The following FOCAD variants were observed in gnomAD, a reference collection of about 807,000 sequenced individuals.
FOCAD encodes KIAA1797.
Under a neutral mutation model 225.6 loss-of-function variants are expected in FOCAD, and 198 were observed. The observed-to-expected ratio is 0.88, with a 90% confidence interval of 0.78 to 0.99. The LOEUF (loss-of-function observed/expected upper bound fraction) is 0.99. Among genes scored for constraint, FOCAD ranks in the 50% least tolerant of loss-of-function variants. FOCAD has a pLI of 0.00. For missense variants in FOCAD, 2,713 were observed against 2,123.6 expected (o/e 1.28, Z -5.46); for synonymous variants, 897 against 755.0 (o/e 1.19, Z -3.08).
At chr9:20,969,944 T>A (rs960088298) in intron 35 of FOCAD, among the ~76,000 whole-genome samples, 9 of 151,554 alleles carry the variant, frequency 5.9e-5, no homozygotes, top group Non-Finnish European at 1.2e-4. Flanking sequence ...AATTTCTCCC[T>A]AATACTTGAA....
chr9:20,766,463 T>A (rs1830059998), intron 7 of FOCAD, among the ~76,000 whole-genome samples: 1 of 152,198 alleles, frequency 6.6e-6, no homozygotes, highest in Non-Finnish European at 1.5e-5. Context: ...ATTTTAGTGA[T>A]AGAGGAAGCG....
At chr9:20,799,827 G>A (rs143378146) in intron 11 of FOCAD, among the ~76,000 whole-genome samples, 1 of 152,026 alleles carries the variant, frequency 6.6e-6, no homozygotes, top group Non-Finnish European at 1.5e-5. Context: ...TCTTTTAATT[G>A]GAGCATTTAG....
chr9:20,769,947 A>G, intron 7 of FOCAD, 85 bp from the exon 8 acceptor site: 1 of 1,249,288 alleles, frequency 8.0e-7, no homozygotes, highest in Non-Finnish European at 1.1e-6. Context: ...AGAAAAAATT[A>G]CATTGTTCAA....
chr9:20,866,806 G>A (rs937714462), intron 17 of FOCAD, 123 bp from the exon 18 acceptor site: 35 of 596,228 alleles, frequency 5.9e-5, no homozygotes, highest in Middle Eastern at 4.3e-4. Context: ...ACTGACTGTA[G>A]AACTTTGGGA....
chr9:20,902,588 G>C (rs1462416333), intron 21 of FOCAD, among the ~76,000 whole-genome samples: 1 of 151,800 alleles, frequency 6.6e-6, no homozygotes, highest in East Asian at 1.9e-4. Flanking sequence ...TAACAGTAAG[G>C]GTAGCACCAT....
At chr9:20,885,056 C>T in intron 20 of FOCAD, 53 bp from the exon 21 acceptor site, 3 of 1,107,106 alleles carry the variant, frequency 2.7e-6, no homozygotes, top group Middle Eastern at 3.5e-4. Context: ...GAGATTCTGT[C>T]TTAAAAAAAT....
chr9:20,815,137 G>GTTTT (rs71334555), intron 11 of FOCAD, among the ~76,000 whole-genome samples: 3 of 69,116 alleles, frequency 4.3e-5, no homozygotes, highest in African/African-American at 1.8e-4. Context: ...TTTTTTTTTT[G>GTTTT]TTTTTTTTTT....
chr9:20,712,723 C>G (rs1476386199), intron 1 of FOCAD, among the ~76,000 whole-genome samples: 1 of 137,620 alleles, frequency 7.3e-6, no homozygotes, highest in Non-Finnish European at 1.5e-5. Context: ...CTCCTTTCTC[C>G]TATATTCTTT....
chr9:20,697,177 C>T (rs892565969), intron 1 of FOCAD, among the ~76,000 whole-genome samples: 8 of 152,178 alleles, frequency 5.3e-5, no homozygotes, highest in African/African-American at 1.9e-4. Flanking sequence ...TGACCTCTTC[C>T]CACTATCTCT....
At chr9:20,837,584 G>GT (rs1230126289) in intron 15 of FOCAD, among the ~76,000 whole-genome samples, 2 of 151,994 alleles carry the variant, frequency 1.3e-5, no homozygotes, top group African/African-American at 4.8e-5. Flanking sequence ...GGGACAGGGA[G>GT]TGTAGAGACA....
At chr9:20,866,829 G>A (rs369988566) in intron 17 of FOCAD, 100 bp from the exon 18 acceptor site, 5 of 672,762 alleles carry the variant, frequency 7.4e-6, no homozygotes, top group African/African-American at 4.0e-5. Context: ...GGTGAGGGAA[G>A]GTTTCTTTCC....
intron 2 of FOCAD, among the ~76,000 whole-genome samples, chr9:20,663,437 G>T (rs1003493364): frequency 6.7e-6 from 1 of 150,164 alleles, no homozygotes; most frequent in Non-Finnish European, 1.5e-5. Flanking sequence ...TCTATCAGCG[G>T]TCCATATTAC....
chr9:20,700,742 C>A (rs1823874870), intron 1 of FOCAD, among the ~76,000 whole-genome samples: 1 of 152,154 alleles, frequency 6.6e-6, no homozygotes, highest in East Asian at 1.9e-4. Flanking sequence ...CTCTCTATTT[C>A]TTAGTTTCTG....
In FOCAD at chr9:20,933,113, T is replaced by A. The variant is rs1835643075; in HGVS notation, c.3407+10T>A. On this transcript the variant is annotated intron_variant, in intron 28 of 43. Coordinates refer to ENST00000338382, the MANE Select transcript of FOCAD (RefSeq NM_001375567.1). ...CTAGTCTTGAATACAAGTATGTTGT[T>A]CCTATTTCCACTCTCACAGGTACTT... 1.2e-6 allele frequency: 2 copies of A among 1,602,100 alleles called. No homozygotes were observed. The highest frequency in any genetic ancestry group is 2.7e-5 in the African/African-American group (2 of 74,666).
chr9:20,738,311 C>G (rs1404101460), intron 4 of FOCAD, among the ~76,000 whole-genome samples: 1 of 152,178 alleles, frequency 6.6e-6, no homozygotes, highest in Non-Finnish European at 1.5e-5. Flanking sequence ...ACACTTCATT[C>G]TAGTTTACAA....
chr9:20,923,737 G>A lies in FOCAD; in HGVS notation c.2930G>A (p.Ser977Asn), dbSNP rs375123367. 3 of 1,613,858 alleles carry A rather than the reference G, an allele frequency of 1.9e-6. No homozygotes were observed. The highest frequency in any genetic ancestry group is 2.5e-6 in the Non-Finnish European group (3 of 1,179,926). ...LAVVVSRHEA[S>N]LSSDSDGLLE... is the part of the protein sequence containing the mutation. ...GTCGTCGTATCTAGACATGAAGCCA[G>A]CCTCTCCTCAGACTCTGACGGGCTC... The change falls in exon 25 of 44, where the codon AGC becomes AAC. Residue 977 changes from serine to asparagine, a missense_variant. Transcript: ENST00000338382.
chr9:20,923,144 G>A (rs1404624908), intron 24 of FOCAD, among the ~76,000 whole-genome samples: 1 of 152,112 alleles, frequency 6.6e-6, no homozygotes, highest in Non-Finnish European at 1.5e-5. Flanking sequence ...AGAAGGAGAG[G>A]ATAAAAATGA....
chr9:20,853,492 T>C (rs1827871863), intron 15 of FOCAD, among the ~76,000 whole-genome samples: 1 of 151,806 alleles, frequency 6.6e-6, no homozygotes, highest in African/African-American at 2.4e-5. Context: ...AAAAAGTCTC[T>C]GTTACACCTC....
At chr9:20,701,725 G>A (rs1295940412) in intron 1 of FOCAD, among the ~76,000 whole-genome samples, 1 of 152,214 alleles carries the variant, frequency 6.6e-6, no homozygotes, top group African/African-American at 2.4e-5. Context: ...AAGGATGAAA[G>A]TTAAGTTTAG....
Sources: gnomAD v4.1 joint callset for allele counts (sites outside exome capture counted in the v4.1 genomes callset) on GRCh38, gnomAD v4.1.1 for gene constraint, MANE v1.5 for transcripts, NCBI Gene and HGNC (gene_info 2026-07-23, HGNC 2026-07-21) for gene names.